The following CPED1 variants were observed in gnomAD, a reference collection of about 807,000 sequenced individuals.
The protein encoded by CPED1 is cadherin like and PC-esterase domain containing 1.
A neutral mutation model predicts 128.2 loss-of-function variants in CPED1; 114 were observed. The observed-to-expected ratio is 0.89, with a 90% CI of 0.76 to 1.04. CPED1 has a LOEUF of 1.04. CPED1 is among the 50% of genes least tolerant of loss of function. The pLI, the probability that CPED1 is intolerant of heterozygous loss-of-function variation, is 0.00. For missense variants in CPED1, 1,211 were observed against 1,207.1 expected, an observed-to-expected ratio of 1.00 and a Z score of -0.05; for synonymous variants, 462 against 426.7, an observed-to-expected ratio of 1.08 and a Z score of -1.02.
At chr7:121,255,208 A>T (rs1328623273) in intron 18 of CPED1, among the ~76,000 whole-genome samples, 2 of 152,074 alleles carry the variant, frequency 1.3e-5, no homozygotes, top group African/African-American at 4.8e-5. Flanking sequence ...AGATTAATAC[A>T]CTACAACCAA....
chr7:121,282,773 G>A (rs182520116), intron 22 of CPED1, among the ~76,000 whole-genome samples: 3 of 152,250 alleles, frequency 2.0e-5, no homozygotes, highest in Admixed American at 6.5e-5. Context: ...CTGACCTTGG[G>A]GAGCTAGTCT....
chr7:121,163,135 ACT>A (rs1438787723), intron 16 of CPED1, among the ~76,000 whole-genome samples: 1 of 152,030 alleles, frequency 6.6e-6, no homozygotes, highest in Non-Finnish European at 1.5e-5. Flanking sequence ...TCCAGTCTCA[ACT>A]CTCCTCATGG....
intron 2 of CPED1, among the ~76,000 whole-genome samples, chr7:121,000,885 C>A (rs138983201): frequency 1.3e-5 from 2 of 152,032 alleles, no homozygotes; most frequent in African/African-American, 4.8e-5. Context: ...TGTTGGAAAA[C>A]GTAACTAACC....
intron 7 of CPED1, among the ~76,000 whole-genome samples, chr7:121,121,482 A>C (rs989930567): frequency 1.2e-4 from 18 of 152,332 alleles, no homozygotes; most frequent in Admixed American, 9.8e-4. Context: ...TTTACACTGA[A>C]GGAAGAAAAT....
intron 16 of CPED1, among the ~76,000 whole-genome samples, chr7:121,184,461 C>T (rs1045196531): frequency 2.6e-5 from 4 of 152,152 alleles, no homozygotes; most frequent in African/African-American, 7.2e-5. Flanking sequence ...TTTCACCACA[C>T]CTATCAAAAG....
Position 121,136,072 on chromosome 7 carries a change from G to A in CPED1, c.1681G>A (p.Glu561Lys). The A allele has an allele frequency of 6.5e-7, 1 of 1,527,144 alleles. No individual in the cohort carries two copies. Among genetic ancestry groups the A allele is most frequent in the Non-Finnish European group, 8.7e-7 (1 of 1,144,078 alleles). The allele number at this position is 1,527,144 out of a possible 1,614,324, so 94.6% of individuals were successfully genotyped here. Residue 561 changes from glutamate to lysine, a missense_variant, in exon 14 of 23, where the codon GAA (glutamate) becomes AAA (lysine). By Grantham distance (56) the Glu-to-Lys change is moderately conservative. Transcript: ENST00000310396. ...TCCACAAATTAAAAATGAAAATAAA[G>A]AAATACATTGCAGTGATGGTGAGTT... The part of the protein sequence containing the change: ...AVPQIKNENK[E>K]IHCSDDENTP...
At chr7:121,075,178 C>A (rs1349879959) in intron 5 of CPED1, among the ~76,000 whole-genome samples, 1 of 152,128 alleles carries the variant, frequency 6.6e-6, no homozygotes, top group Non-Finnish European at 1.5e-5. Context: ...TACACAAGAA[C>A]AACAGGAGGT....
chr7:121,243,281 A>G (rs1798444786), intron 17 of CPED1, among the ~76,000 whole-genome samples: 1 of 152,162 alleles, frequency 6.6e-6, no homozygotes, highest in Non-Finnish European at 1.5e-5. Context: ...ATATTTGTTC[A>G]TATGATGTGC....
intron 1 of CPED1, chr7:120,989,162 G>A (rs55666906): frequency 0.073 from 12,193 of 167,578 alleles, 641 homozygotes; most frequent in Non-Finnish European, 0.1. Context: ...TGTGCAACAG[G>A]CACTTTGGGT....
chr7:121,129,457 A>G (rs1302797868), intron 11 of CPED1, among the ~76,000 whole-genome samples: 1 of 150,840 alleles, frequency 6.6e-6, no homozygotes, highest in Non-Finnish European at 1.5e-5. Flanking sequence ...GATTCAGAGT[A>G]AGCTAATTTC....
intron 4 of CPED1, among the ~76,000 whole-genome samples, chr7:121,053,776 C>T (rs542057886): frequency 5.3e-4 from 80 of 152,106 alleles, no homozygotes; most frequent in Middle Eastern, 3.4e-3. Context: ...GTTTTTCTCC[C>T]GAATTTATTT....
At chr7:121,227,716 T>G (rs972006196) in intron 16 of CPED1, among the ~76,000 whole-genome samples, 8 of 152,092 alleles carry the variant, frequency 5.3e-5, no homozygotes, top group Non-Finnish European at 1.0e-4. Flanking sequence ...AAAATGAAGA[T>G]AGGAGTTGTT....
rs1240025437 is a variant in CPED1 at position 121,236,703 on chromosome 7, T to C, written c.2056-11T>C. On this transcript the variant is annotated splice_polypyrimidine_tract_variant and intron_variant, in intron 16 of 22. Coordinates refer to ENST00000310396, the MANE Select transcript of CPED1 (RefSeq NM_024913.5). ...TTAATACAACAACTAATATCTATTA[T>C]TTTAATGCAGGATTGTGGTTTGCTG... The C allele has an allele frequency of 2.0e-6, 3 of 1,508,032 alleles. No homozygotes were observed. In the African/African-American group the frequency reaches 4.2e-5, roughly 21 times the overall value. 93.4% of individuals were successfully genotyped at this position (1,508,032 alleles called of 1,614,324 possible). A position where few individuals can be genotyped will look rare whatever the true frequency, so the allele number is the denominator to read the frequency against.
chr7:121,016,349 A>G (rs1792300535), intron 3 of CPED1, among the ~76,000 whole-genome samples: 1 of 152,212 alleles, frequency 6.6e-6, no homozygotes, highest in Non-Finnish European at 1.5e-5. Flanking sequence ...ATAAAAGACA[A>G]GTTTTTAAAC....
chr7:121,040,731 A>C lies in CPED1; in HGVS notation c.434-6156A>C, dbSNP rs548976749. Among the ~76,000 whole-genome samples, 3 of 152,164 alleles carry C rather than the reference A, an allele frequency of 2.0e-5. No homozygotes were observed. In the South Asian group the frequency reaches 6.2e-4, roughly 32 times the overall value. ...CTCACATATTATATTATAAAGGAAT[A>C]TTATGAATTACTAAAAAATTAAACA... On this transcript the variant is annotated intron_variant, in intron 3 of 22. Coordinates refer to ENST00000310396, the MANE Select transcript of CPED1 (RefSeq NM_024913.5).
At chr7:121,045,743 G>A (rs1186175855) in intron 3 of CPED1, among the ~76,000 whole-genome samples, 2 of 152,134 alleles carry the variant, frequency 1.3e-5, no homozygotes, top group South Asian at 2.1e-4. Flanking sequence ...GAAATTGTTT[G>A]TTTTTTAAAT....
chr7:121,279,656 A>G (rs1792409257), intron 22 of CPED1, among the ~76,000 whole-genome samples: 1 of 152,196 alleles, frequency 6.6e-6, no homozygotes, highest in South Asian at 2.1e-4. Context: ...AGGTCAGAAA[A>G]CAATTGGCTA....
rs1246863207 is a variant in CPED1, at chr7:121,097,836, G to A, written c.749+5G>A. 6.2e-7 allele frequency: 1 copy of A among 1,613,464 alleles called. No homozygotes were observed. The highest frequency in any genetic ancestry group is 1.7e-5 in the Admixed American group (1 of 59,928). ...GGACTGGAGTCGTGAACAGCTGTAAGCTAATCATTTTGAATTGTTATAACC... is the reference window on the plus strand; with the variant it reads ...GGACTGGAGTCGTGAACAGCTGTAAACTAATCATTTTGAATTGTTATAACC... On this transcript the variant is annotated splice_donor_5th_base_variant and intron_variant, in intron 6 of 22. Transcript: ENST00000310396.
intron 16 of CPED1, among the ~76,000 whole-genome samples, chr7:121,196,098 A>C (rs1797266122): frequency 6.6e-6 from 1 of 152,104 alleles, no homozygotes. Flanking sequence ...ATTCTTTGCC[A>C]AGCATGTCAT....
Sources: gnomAD v4.1 joint callset for allele counts (sites outside exome capture counted in the v4.1 genomes callset) on GRCh38, gnomAD v4.1.1 for gene constraint, MANE v1.5 for transcripts, NCBI Gene and HGNC (gene_info 2026-07-23, HGNC 2026-07-21) for gene names.